IL20RB: variants seen among roughly 807,000 people sequenced by gnomAD.
The protein encoded by IL20RB is interleukin 20 receptor subunit beta, also known as interleukin-20 receptor subunit beta.
A neutral mutation model predicts 33.3 loss-of-function variants in IL20RB; 21 were observed. The observed-to-expected ratio is 0.63, with a 90% CI of 0.45 to 0.91. The LOEUF (loss-of-function observed/expected upper bound fraction) is 0.91, where lower values mean the gene tolerates loss of function less well. Among genes scored for constraint, IL20RB ranks in the 40% least tolerant of loss-of-function variants. The pLI, the probability that IL20RB is intolerant of heterozygous loss-of-function variation, is 0.00. For missense variants in IL20RB, 345 were observed against 384.8 expected (o/e 0.90, Z 0.86); for synonymous variants, 147 against 146.8 (o/e 1.00, Z -0.01).
chr3:137,007,818 G>A (rs1370390756), intron 6 of IL20RB, among the ~76,000 whole-genome samples: 1 of 152,146 alleles, frequency 6.6e-6, no homozygotes, highest in Non-Finnish European at 1.5e-5. Flanking sequence ...GTCCCAATGA[G>A]ATGAACCAGG....
At chr3:136,959,261 A>G (rs950855613) in intron 1 of IL20RB, 4 of 152,228 alleles carry the variant, frequency 2.6e-5, no homozygotes, top group Non-Finnish European at 5.9e-5. Flanking sequence ...TCAGCATATT[A>G]TACCTTCATT....
intron 1 of IL20RB, among the ~76,000 whole-genome samples, chr3:136,970,874 G>T (rs905907559): frequency 1.3e-5 from 2 of 151,882 alleles, no homozygotes; most frequent in African/African-American, 2.4e-5. Flanking sequence ...GGATGGTCTC[G>T]ATCTCCTGAC....
intron 3 of IL20RB, among the ~76,000 whole-genome samples, chr3:136,987,644 G>A (rs777544387): frequency 2.0e-5 from 3 of 152,190 alleles, no homozygotes; most frequent in Non-Finnish European, 4.4e-5. Context: ...AGGGGGTGGC[G>A]CTCATCGGGG....
At chr3:136,972,120 G>A (rs1400135291) in intron 1 of IL20RB, among the ~76,000 whole-genome samples, 2 of 152,044 alleles carry the variant, frequency 1.3e-5, no homozygotes, top group African/African-American at 4.8e-5. Context: ...ATATCTGTTG[G>A]CCATTTGTAT....
intron 6 of IL20RB, among the ~76,000 whole-genome samples, chr3:137,008,298 A>G (rs1423480145): frequency 6.6e-6 from 1 of 152,228 alleles, no homozygotes; most frequent in Non-Finnish European, 1.5e-5. Context: ...GCAAAAGGAA[A>G]GAACTTGCAG....
intron 6 of IL20RB, among the ~76,000 whole-genome samples, chr3:137,007,909 G>GAA (rs1191710887): frequency 3.3e-5 from 5 of 152,146 alleles, no homozygotes; most frequent in African/African-American, 1.2e-4. Flanking sequence ...TTTCTATTCA[G>GAA]CCATCTTGGA....
At chr3:137,006,029 A>C (rs1307308782) in intron 6 of IL20RB, among the ~76,000 whole-genome samples, 1 of 152,198 alleles carries the variant, frequency 6.6e-6, no homozygotes, top group Non-Finnish European at 1.5e-5. Context: ...TATGAAGCTT[A>C]GTTTGGCTGG....
chr3:136,962,695 C>T (rs1257357453), intron 1 of IL20RB, among the ~76,000 whole-genome samples: 28 of 149,426 alleles, frequency 1.9e-4, no homozygotes, highest in African/African-American at 6.4e-4. Context: ...GAGGTTGCAG[C>T]GAGCCGAGAT....
At chr3:137,005,963 G>A (rs563562925) in intron 6 of IL20RB, among the ~76,000 whole-genome samples, 2 of 152,196 alleles carry the variant, frequency 1.3e-5, no homozygotes, top group Non-Finnish European at 2.9e-5. Context: ...AGGCCTGGTG[G>A]TGACAAAATC....
At chr3:136,986,875 C>G (rs1553805123) in intron 3 of IL20RB, 10 of 403,882 alleles carry the variant, frequency 2.5e-5, no homozygotes, top group Non-Finnish European at 4.9e-5. Flanking sequence ...TGGTGGGTTC[C>G]TAGTCTCGCT....
At chr3:136,995,780 T>C (rs1942115721) in intron 6 of IL20RB, among the ~76,000 whole-genome samples, 1 of 152,206 alleles carries the variant, frequency 6.6e-6, no homozygotes, top group East Asian at 1.9e-4. Context: ...AAGCCACTTC[T>C]GCTTTCTCCC....
chr3:136,988,654 G>C (rs1941965411), intron 3 of IL20RB, among the ~76,000 whole-genome samples: 1 of 151,600 alleles, frequency 6.6e-6, no homozygotes, highest in Admixed American at 6.6e-5. Flanking sequence ...AAGGTGGGAG[G>C]ATTACCTGAG....
At chr3:136,971,153 C>G (rs186633766) in intron 1 of IL20RB, among the ~76,000 whole-genome samples, 32 of 151,798 alleles carry the variant, frequency 2.1e-4, no homozygotes, top group African/African-American at 7.7e-4. Flanking sequence ...TTTTTTGAGA[C>G]GGAGTCTCAC....
At chr3:136,983,066 G>C (rs550599520) in intron 3 of IL20RB, among the ~76,000 whole-genome samples, 137 of 152,198 alleles carry the variant, frequency 9.0e-4, no homozygotes, top group East Asian at 5.8e-4. Flanking sequence ...GCCAATGAAA[G>C]AGGAGAGGAT....
At chr3:136,978,156 G>A (rs1471213599) in intron 1 of IL20RB, among the ~76,000 whole-genome samples, 1 of 148,864 alleles carries the variant, frequency 6.7e-6, no homozygotes, top group Non-Finnish European at 1.5e-5. Context: ...AGAGTTTTTG[G>A]TTCTGTCTTG....
intron 5 of IL20RB, among the ~76,000 whole-genome samples, chr3:136,994,327 C>G (rs1250929675): frequency 6.6e-6 from 1 of 152,116 alleles, no homozygotes; most frequent in Non-Finnish European, 1.5e-5. Flanking sequence ...GGATGGCTAC[C>G]TATTCTCCAT....
At chr3:137,006,526 A>C (rs1233397010) in intron 6 of IL20RB, among the ~76,000 whole-genome samples, 1 of 151,702 alleles carries the variant, frequency 6.6e-6, no homozygotes, top group East Asian at 1.9e-4. Context: ...TATGATCTTC[A>C]GTGACTGATA....
chr3:136,963,582 T>C (rs1941284077), intron 1 of IL20RB, among the ~76,000 whole-genome samples: 1 of 152,146 alleles, frequency 6.6e-6, no homozygotes, highest in Admixed American at 6.5e-5. Context: ...TTTGGTGAAA[T>C]GTCTATTCAT....
At chr3:136,976,410 G>C (rs1405965095) in intron 1 of IL20RB, among the ~76,000 whole-genome samples, 2 of 152,318 alleles carry the variant, frequency 1.3e-5, no homozygotes, top group East Asian at 3.9e-4. Context: ...GCCTGGGCCA[G>C]TAGGTGGGGA....
Sources: allele counts gnomAD v4.1 joint callset (sites outside exome capture counted in the v4.1 genomes callset), GRCh38; gene constraint gnomAD v4.1.1; transcripts MANE v1.5; gene names NCBI Gene and HGNC (gene_info 2026-07-23, HGNC 2026-07-21).